Variants in CCDC86 observed in about 807,000 individuals in gnomAD.
The protein encoded by CCDC86 is coiled-coil domain containing 86.
In CCDC86, 28 loss-of-function variants were observed where a neutral mutation model predicts 36.7. The ratio of observed to expected loss-of-function variants is 0.76; its 90% confidence interval spans 0.57 to 1.05. CCDC86 has a LOEUF of 1.05. Among genes scored for constraint, CCDC86 ranks in the 50% least tolerant of loss-of-function variants. CCDC86 has a pLI of 0.00. For synonymous variants in CCDC86, 199 were observed against 203.4 expected, an observed-to-expected ratio of 0.98 and a Z score of 0.18; for missense variants, 453 against 470.2, an observed-to-expected ratio of 0.96 and a Z score of 0.34.
chr11:60,848,163 TA>T, intron 2 of CCDC86, 110 bp downstream of exon 2: 1 of 1,361,156 alleles, frequency 7.3e-7, no homozygotes, highest in Non-Finnish European at 9.8e-7. Context: ...CCGACTTGGT[TA>T]AAAAACGTTC....
chr11:60,843,493 C>T (rs1446817334), intron 1 of CCDC86, among the ~76,000 whole-genome samples: 1 of 152,162 alleles, frequency 6.6e-6, no homozygotes, highest in Non-Finnish European at 1.5e-5. Context: ...AGGACCTGAG[C>T]ACAGATCTGA....
Position 60,842,832 on chromosome 11 carries a change from G to T in CCDC86, c.708G>T (p.Pro236=), listed in dbSNP as rs752289054. The change falls in exon 1 of 4, where the codon CCG becomes CCT. Residue 236 remains proline, a synonymous_variant. Coordinates refer to ENST00000227520, the MANE Select transcript of CCDC86 (RefSeq NM_024098.4). ...ATAAAGAGGAGCTTCCTGTAATCCCGAAGGGGAAGCCCAAATCGGGGCGAG... is the reference window on the plus strand; with the variant it reads ...ATAAAGAGGAGCTTCCTGTAATCCCTAAGGGGAAGCCCAAATCGGGGCGAG... ...KLNKEELPVI[P]KGKPKSGRVW... is the part of the protein sequence containing the mutation. The T allele has an allele frequency of 6.3e-7, 1 of 1,596,916 alleles. No individual in the cohort carries two copies. Among genetic ancestry groups the T allele is most frequent in the Non-Finnish European group, 8.5e-7 (1 of 1,169,998 alleles).
rs1358444342 is a variant in CCDC86, at chr11:60,842,598, A to G, written c.474A>G (p.Pro158=). 5.6e-6 allele frequency: 9 copies of G among 1,613,366 alleles called. No homozygotes were observed. The highest frequency in any genetic ancestry group is 5.0e-5 in the Admixed American group (3 of 59,980). Reference sequence around the variant, plus strand: ...CCCAGCATCAGCTACCGCCGGTCCCAGGATCACCAGAGCCTTACCCCGGTC... The same window carrying G: ...CCCAGCATCAGCTACCGCCGGTCCCGGGATCACCAGAGCCTTACCCCGGTC... ...GAPQHQLPPV[P]GSPEPYPGQQ... is the part of the protein sequence containing the mutation. Residue 158 remains proline (P), a synonymous_variant, in exon 1 of 4, where the codon CCA becomes CCG. Coordinates refer to ENST00000227520, the MANE Select transcript of CCDC86 (RefSeq NM_024098.4).
At chr11:60,843,871 G>C (rs1169944292) in intron 1 of CCDC86, among the ~76,000 whole-genome samples, 1 of 152,180 alleles carries the variant, frequency 6.6e-6, no homozygotes, top group Non-Finnish European at 1.5e-5. Flanking sequence ...TAAAACCCTA[G>C]GCTGTGGATA....
At chr11:60,843,043 C>T in intron 1 of CCDC86, 161 bp downstream of exon 1, 2 of 1,013,192 alleles carry the variant, frequency 2.0e-6, no homozygotes, top group Middle Eastern at 2.5e-4. Context: ...TGGTAAAATG[C>T]CCTGGGATCC....
intron 1 of CCDC86, among the ~76,000 whole-genome samples, chr11:60,843,662 G>A (rs1170682898): frequency 2.0e-5 from 3 of 152,204 alleles, no homozygotes; most frequent in African/African-American, 7.2e-5. Flanking sequence ...ATGAAGGAAC[G>A]AAGTAGCTCA....
Position 60,842,215 on chromosome 11 carries a change from G to A in CCDC86, c.91G>A (p.Ala31Thr), listed in dbSNP as rs775661047. The change falls in exon 1 of 4, where the codon GCC becomes ACC. Residue 31 changes from alanine (A) to threonine (T), a missense_variant. By Grantham distance (58) the Ala-to-Thr change is moderately conservative. Transcript: ENST00000227520. ...SLTSVSRTRRALVEFESNPEE... is the reference protein window; with the variant it reads ...SLTSVSRTRRTLVEFESNPEE... ...CACCTCAGTTTCGCGGACGAGACGG[G>A]CCCTTGTGGAGTTCGAGTCGAACCC... 4.3e-6 allele frequency: 7 copies of A among 1,613,402 alleles called. No individual in the cohort carries two copies. Among genetic ancestry groups the A allele is most frequent in the Non-Finnish European group, 5.9e-6 (7 of 1,179,900 alleles).
At position 60,842,809 on chromosome 11, in the gene CCDC86, A is replaced by G. The variant is rs371733632; in HGVS notation, c.685A>G (p.Lys229Glu). 6.2e-7 allele frequency: 1 copy of G among 1,608,652 alleles called. No homozygotes were observed. Among genetic ancestry groups the G allele is most frequent in the African/African-American group, 1.3e-5 (1 of 74,674 alleles). ...SQAPASKKLN[K>E]EELPVIPKGK... The stretch of plus-strand genomic sequence containing the variant: ...GGCCCCAGCGTCCAAGAAGTTGAAT[A>G]AAGAGGAGCTTCCTGTAATCCCGAA... The change falls in exon 1 of 4, where the codon AAA becomes GAA. Residue 229 changes from lysine to glutamate, a missense_variant. Transcript: ENST00000227520.
intron 2 of CCDC86, among the ~76,000 whole-genome samples, chr11:60,848,445 AT>A (rs1265179784): frequency 6.6e-6 from 1 of 151,974 alleles, no homozygotes; most frequent in East Asian, 1.9e-4. Context: ...TTTGAACTCC[AT>A]GTCCCCGGTA....
At chr11:60,848,163 T>TA in intron 2 of CCDC86, 110 bp downstream of exon 2, 2 of 1,361,154 alleles carry the variant, frequency 1.5e-6, no homozygotes, top group Non-Finnish European at 2.0e-6. Flanking sequence ...CCGACTTGGT[T>TA]AAAAAACGTT....
Position 60,850,496 on chromosome 11 carries a change from G to C in CCDC86, c.*171G>C, listed in dbSNP as rs917741838. On this transcript the variant is annotated 3_prime_UTR_variant, in exon 4 of 4. Coordinates refer to ENST00000227520, the MANE Select transcript of CCDC86 (RefSeq NM_024098.4). ...CCTTTGAAGGCTTCCAGGCAGGTCT[G>C]TGTGGGACAGAAGCCCAGAGGGGGC... 2 of 821,154 alleles carry C rather than the reference G, an allele frequency of 2.4e-6. No individual in the cohort carries two copies. The highest frequency in any genetic ancestry group is 1.7e-5 in the African/African-American group (1 of 57,570). The allele number at this position is 821,154 out of a possible 1,614,324, so 50.9% of individuals were successfully genotyped here. A position where few individuals can be genotyped will look rare whatever the true frequency, so the allele number is the denominator to read the frequency against.
At chr11:60,850,135 C>A in intron 3 of CCDC86, 71 bp from the exon 4 acceptor site, 1 of 1,608,770 alleles carries the variant, frequency 6.2e-7, no homozygotes, top group Middle Eastern at 1.7e-4. Context: ...TGTGGGGCGG[C>A]CTTCCTCTCC....
chr11:60,842,812 G>C lies in CCDC86; in HGVS notation c.688G>C (p.Glu230Gln). The C allele has an allele frequency of 6.2e-7, 1 of 1,608,028 alleles. No individual in the cohort carries two copies. ...CCCAGCGTCCAAGAAGTTGAATAAA[G>C]AGGAGCTTCCTGTAATCCCGAAGGG... Reference protein sequence around the residue: ...QAPASKKLNKEELPVIPKGKP... With the variant: ...QAPASKKLNKQELPVIPKGKP... The change falls in exon 1 of 4, where the codon GAG (glutamate) becomes CAG (glutamine). Residue 230 changes from glutamate (E) to glutamine (Q), a missense_variant. Coordinates refer to ENST00000227520, the MANE Select transcript of CCDC86 (RefSeq NM_024098.4).
chr11:60,847,146 C>T (rs1348278050), intron 1 of CCDC86, among the ~76,000 whole-genome samples: 2 of 151,172 alleles, frequency 1.3e-5, no homozygotes, highest in East Asian at 1.9e-4. Flanking sequence ...TGCAGTGGCG[C>T]GATCTCGGCT....
chr11:60,842,518 G>T lies in CCDC86; in HGVS notation c.394G>T (p.Gly132Ter). Residue 132 changes from glycine (G) to a stop codon, truncating the protein, a stop_gained, in exon 1 of 4, where the codon GGA becomes TGA. Transcript: ENST00000227520. LOFTEE classifies it high-confidence loss of function. ...EEAPKCSQDQGVLASELAQNK... is the reference protein window; with the variant it reads ...EEAPKCSQDQ Reference sequence around the variant, plus strand: ...GGCACCAAAGTGTTCTCAGGACCAGGGAGTACTGGCCTCGGAGTTGGCCCA... The same window carrying T: ...GGCACCAAAGTGTTCTCAGGACCAGTGAGTACTGGCCTCGGAGTTGGCCCA... The T allele has an allele frequency of 6.2e-7, 1 of 1,613,600 alleles. No individual in the cohort carries two copies. The highest frequency in any genetic ancestry group is 8.5e-7 in the Non-Finnish European group (1 of 1,179,852).
chr11:60,845,446 C>A (rs1362726220), intron 1 of CCDC86, among the ~76,000 whole-genome samples: 1 of 152,250 alleles, frequency 6.6e-6, no homozygotes, highest in Non-Finnish European at 1.5e-5. Flanking sequence ...ACTAAAACAG[C>A]TTCCGAAGCT....
chr11:60,845,286 G>A (rs1478568213), intron 1 of CCDC86, among the ~76,000 whole-genome samples: 6 of 152,172 alleles, frequency 3.9e-5, no homozygotes, highest in East Asian at 1.9e-4. Flanking sequence ...AGGGACTCCC[G>A]GCTTTCCTGA....
Position 60,848,723 on chromosome 11 carries a change from T to C in CCDC86, c.888+670T>C, listed in dbSNP as rs145460693. On this transcript the variant is annotated intron_variant, in intron 2 of 3. Coordinates refer to ENST00000227520, the MANE Select transcript of CCDC86 (RefSeq NM_024098.4). ...GTGGGAGATTCCTCCTCCACTCCTC[T>C]AATGACCCAGGCGTGTAGGAGGAGT... Among the ~76,000 whole-genome samples the C allele has an allele frequency of 1.6e-3, 244 of 152,212 alleles. 1 individual carries two copies. The highest frequency in any genetic ancestry group is 3.4e-3 in the Middle Eastern group (1 of 294).
In CCDC86 at chr11:60,842,310, G is replaced by T. The variant is rs576062163; in HGVS notation, c.186G>T (p.Pro62=). Residue 62 remains proline, a synonymous_variant, in exon 1 of 4, where the codon CCG becomes CCT. Coordinates refer to ENST00000227520, the MANE Select transcript of CCDC86 (RefSeq NM_024098.4). ...CTGGCCTGGGGTCCCCCGAAAGGCC[G>T]CCGAAGACAAGCCCAGGATCACCCC... ...QRAGLGSPER[P]PKTSPGSPRL... 17 of 1,613,694 alleles carry T rather than the reference G, an allele frequency of 1.1e-5. No individual in the cohort carries two copies. The East Asian group carries it at 3.3e-4, about 32-fold the overall frequency.
Sources: allele counts gnomAD v4.1 joint callset (sites outside exome capture counted in the v4.1 genomes callset), GRCh38; gene constraint gnomAD v4.1.1; transcripts MANE v1.5; gene names NCBI Gene and HGNC (gene_info 2026-07-23, HGNC 2026-07-21).